The following KCNH5 variants were observed in gnomAD, a reference collection of about 807,000 sequenced individuals.
The protein encoded by KCNH5 is potassium voltage-gated channel subfamily H member 5.
Under a neutral mutation model 96.1 loss-of-function variants are expected in KCNH5, and 46 were observed. The ratio of observed to expected loss-of-function variants is 0.48; its 90% CI spans 0.38 to 0.61. The LOEUF (loss-of-function observed/expected upper bound fraction) is 0.61, where lower values mean the gene tolerates loss of function less well. Ranked by LOEUF, KCNH5 falls within the 20% of genes least tolerant of loss-of-function variation. The pLI is 0.00. For missense variants in KCNH5, 907 were observed against 1,225.8 expected (o/e 0.74, Z 3.88); for synonymous variants, 439 against 449.8 (o/e 0.98, Z 0.30).
At chr14:62,910,729 G>A (rs761289840) in intron 7 of KCNH5, among the ~76,000 whole-genome samples, 29 of 152,060 alleles carry the variant, frequency 1.9e-4, no homozygotes, top group Non-Finnish European at 2.5e-4. Context: ...GGCTCTGTAC[G>A]GTTCTTTGAG....
rs1199131950 is a variant in KCNH5 at position 62,956,582 on chromosome 14, A to G, written c.943-6023T>C. ...TTAAGCTAACATTTCACCACAGTAC[A>G]TGATTCAGATTAATAATTTCTTACT... On this transcript the variant is annotated intron_variant, in intron 6 of 10. Coordinates refer to ENST00000322893, the MANE Select transcript of KCNH5 (RefSeq NM_139318.5). Among the ~76,000 whole-genome samples the G allele has an allele frequency of 3.8e-5, 5 of 132,754 alleles. No homozygotes were observed. The East Asian group carries it at 1.2e-3, about 32-fold the overall frequency. The allele number at this position is 132,754 out of a possible 152,430, so 87.1% of individuals were successfully genotyped here.
intron 8 of KCNH5, among the ~76,000 whole-genome samples, chr14:62,836,767 T>C (rs2140032927): frequency 6.6e-6 from 1 of 152,296 alleles, no homozygotes; most frequent in Non-Finnish European, 1.5e-5. Flanking sequence ...CTGTCTCCTC[T>C]ACTAGATTGT....
chr14:63,017,539 T>C (rs992971283), intron 1 of KCNH5, among the ~76,000 whole-genome samples: 6 of 151,742 alleles, frequency 4.0e-5, no homozygotes, highest in Non-Finnish European at 5.9e-5. Flanking sequence ...TTAGAAACTA[T>C]CAGTATTCCA....
At chr14:62,843,726 A>T (rs1157219982) in intron 8 of KCNH5, among the ~76,000 whole-genome samples, 1 of 152,112 alleles carries the variant, frequency 6.6e-6, no homozygotes, top group African/African-American at 2.4e-5. Context: ...TGGCTTTTAA[A>T]TACAGCACAT....
chr14:62,908,470 T>C (rs1476341251), intron 7 of KCNH5, among the ~76,000 whole-genome samples: 3 of 152,148 alleles, frequency 2.0e-5, no homozygotes, highest in African/African-American at 7.2e-5. Flanking sequence ...CCCAAATTCC[T>C]AGAAATTACA....
Position 62,700,546 on chromosome 14 carries a change from T to C in KCNH5, c.*6962A>G, listed in dbSNP as rs1254748928. The C allele has an allele frequency of 1.3e-5, 2 of 152,234 alleles. No individual in the cohort carries two copies. Among genetic ancestry groups the C allele is most frequent in the East Asian group, 1.9e-4 (1 of 5,176 alleles). 9.4% of individuals were successfully genotyped at this position (152,234 alleles called of 1,614,324 possible). ...GTCAAAAAAGCAATTCTGACAACTG[T>C]TTTTTCCTGAAAATGAAATAGGCTA... On this transcript the variant is annotated 3_prime_UTR_variant, in exon 11 of 11. Coordinates refer to ENST00000322893, the MANE Select transcript of KCNH5 (RefSeq NM_139318.5).
chr14:62,735,997 G>A (rs1362771607), intron 10 of KCNH5, among the ~76,000 whole-genome samples: 1 of 152,176 alleles, frequency 6.6e-6, no homozygotes, highest in African/African-American at 2.4e-5. Context: ...TTCTTCTCTA[G>A]AGCTGTCAGA....
intron 7 of KCNH5, among the ~76,000 whole-genome samples, chr14:62,908,015 A>G (rs1889062851): frequency 6.6e-6 from 1 of 152,196 alleles, no homozygotes; most frequent in Non-Finnish European, 1.5e-5. Context: ...TCCATTATGA[A>G]TCTATCCACA....
At chr14:62,989,897 A>G (rs73278537) in intron 4 of KCNH5, among the ~76,000 whole-genome samples, 7,585 of 152,112 alleles carry the variant, frequency 0.05, 616 homozygotes, top group African/African-American at 0.17. Context: ...CAGTAACTAT[A>G]TTAGTCATAG....
intron 6 of KCNH5, among the ~76,000 whole-genome samples, chr14:62,978,741 A>G (rs1566728627): frequency 6.6e-6 from 1 of 152,120 alleles, no homozygotes; most frequent in Non-Finnish European, 1.5e-5. Context: ...ATTATTAAAC[A>G]ATATATTTAC....
At chr14:62,801,781 G>C (rs1454642766) in intron 9 of KCNH5, among the ~76,000 whole-genome samples, 1 of 152,072 alleles carries the variant, frequency 6.6e-6, no homozygotes, top group Non-Finnish European at 1.5e-5. Context: ...CTGCTATAAA[G>C]AGTCAGACTC....
intron 7 of KCNH5, 176 bp downstream of exon 7, chr14:62,949,957 T>C: frequency 1.7e-6 from 1 of 596,848 alleles, no homozygotes; most frequent in Non-Finnish European, 2.9e-6. Flanking sequence ...TCCTGAAGAG[T>C]AAAATATATT....
intron 10 of KCNH5, among the ~76,000 whole-genome samples, chr14:62,756,470 A>G: frequency 6.6e-6 from 1 of 152,208 alleles, no homozygotes; most frequent in East Asian, 1.9e-4. Context: ...ATATGGAACC[A>G]CAAAAGACCC....
At chr14:62,890,084 G>T (rs1236205597) in intron 7 of KCNH5, among the ~76,000 whole-genome samples, 1 of 152,114 alleles carries the variant, frequency 6.6e-6, no homozygotes, top group Non-Finnish European at 1.5e-5. Flanking sequence ...ATCAATGCAA[G>T]ATGGATTAAA....
chr14:62,927,023 C>T (rs1307675141), intron 7 of KCNH5, among the ~76,000 whole-genome samples: 1 of 151,986 alleles, frequency 6.6e-6, no homozygotes, highest in East Asian at 1.9e-4. Context: ...AAAAGGCAAA[C>T]ATTTAAAAAG....
intron 7 of KCNH5, among the ~76,000 whole-genome samples, chr14:62,856,906 C>T (rs1038002705): frequency 3.4e-4 from 51 of 152,128 alleles, no homozygotes; most frequent in African/African-American, 1.2e-3. Context: ...GACGCATTTT[C>T]CCTCTAAGAG....
chr14:62,982,351 GA>G (rs1471784714), intron 5 of KCNH5, among the ~76,000 whole-genome samples: 1 of 152,116 alleles, frequency 6.6e-6, no homozygotes, highest in Non-Finnish European at 1.5e-5. Flanking sequence ...CAGTTGAAGG[GA>G]TAAATCAAAA....
chr14:62,809,429 C>T (rs938159647), intron 8 of KCNH5, among the ~76,000 whole-genome samples: 2 of 151,944 alleles, frequency 1.3e-5, no homozygotes. Context: ...TCATACCTTG[C>T]CTACACAGTC....
At chr14:62,972,130 T>C (rs572530279) in intron 6 of KCNH5, among the ~76,000 whole-genome samples, 3 of 152,162 alleles carry the variant, frequency 2.0e-5, no homozygotes, top group African/African-American at 7.2e-5. Context: ...ATCTAAAAAC[T>C]AAAAAGAACT....
Sources: allele counts gnomAD v4.1 joint callset (sites outside exome capture counted in the v4.1 genomes callset), GRCh38; gene constraint gnomAD v4.1.1; transcripts MANE v1.5; gene names NCBI Gene and HGNC (gene_info 2026-07-23, HGNC 2026-07-21).